Variants in CTNND2 observed in about 807,000 individuals in gnomAD.
CTNND2 encodes the protein catenin delta-2.
A neutral mutation model predicts 144.4 loss-of-function variants in CTNND2; 22 were observed. The observed-to-expected ratio is 0.15, with a 90% confidence interval of 0.11 to 0.22. CTNND2 has a LOEUF of 0.22. Ranked by LOEUF, CTNND2 falls within the 10% of genes least tolerant of loss-of-function variation. The probability of loss-of-function intolerance (pLI) is 1.00; values close to 1 mark genes in which losing one functional copy is unlikely to be tolerated. For missense variants in CTNND2, 1,353 were observed against 1,618.8 expected, an observed-to-expected ratio of 0.84 and a Z score of 2.82; for synonymous variants, 751 against 695.6, an observed-to-expected ratio of 1.08 and a Z score of -1.25.
intron 2 of CTNND2, among the ~76,000 whole-genome samples, chr5:11,683,676 T>C (rs1784520507): frequency 6.6e-6 from 1 of 152,242 alleles, no homozygotes; most frequent in African/African-American, 2.4e-5. Flanking sequence ...CTTGAACTTT[T>C]AAGTGAAGGC....
intron 9 of CTNND2, among the ~76,000 whole-genome samples, chr5:11,331,851 T>C (rs1351726617): frequency 1.3e-5 from 2 of 152,206 alleles, no homozygotes; most frequent in Non-Finnish European, 1.5e-5. Context: ...TGGTGTTCTA[T>C]TGCACACTGG....
At chr5:11,258,892 A>G (rs1467641712) in intron 9 of CTNND2, among the ~76,000 whole-genome samples, 1 of 152,166 alleles carries the variant, frequency 6.6e-6, no homozygotes, top group Admixed American at 6.5e-5. Flanking sequence ...AAGATCAGCT[A>G]ATTAGGAGAT....
chr5:11,179,035 T>C (rs1437716060), intron 11 of CTNND2, among the ~76,000 whole-genome samples: 1 of 152,202 alleles, frequency 6.6e-6, no homozygotes, highest in Non-Finnish European at 1.5e-5. Flanking sequence ...AGATAATTTT[T>C]CATAGCTTGA....
At chr5:11,427,550 G>C (rs1357898965) in intron 3 of CTNND2, among the ~76,000 whole-genome samples, 2 of 152,112 alleles carry the variant, frequency 1.3e-5, no homozygotes, top group African/African-American at 2.4e-5. Flanking sequence ...AAAGTGCTAA[G>C]ATTACAGGTA....
chr5:11,371,541 C>G (rs985158617), intron 7 of CTNND2, among the ~76,000 whole-genome samples: 1 of 152,188 alleles, frequency 6.6e-6, no homozygotes, highest in Admixed American at 6.5e-5. Context: ...ACTCTGTTTC[C>G]TGAGATTGAC....
intron 18 of CTNND2, among the ~76,000 whole-genome samples, chr5:10,996,229 T>C (rs1254822839): frequency 3.3e-5 from 5 of 152,102 alleles, no homozygotes; most frequent in Non-Finnish European, 7.4e-5. Flanking sequence ...CAAGGGAACG[T>C]CACGGAAGCT....
intron 15 of CTNND2, chr5:11,083,835 A>AC (rs1419996221): frequency 2.0e-5 from 19 of 937,248 alleles, no homozygotes; most frequent in African/African-American, 3.7e-5. Flanking sequence ...GGCCACCTCC[A>AC]CCCCCCTTCC....
intron 1 of CTNND2, among the ~76,000 whole-genome samples, 192 bp from the exon 2 acceptor site, chr5:11,732,464 T>C (rs1452168219): frequency 6.6e-6 from 1 of 152,250 alleles, no homozygotes. Flanking sequence ...GAATGTTTTA[T>C]TCTTTTATCA....
rs867638925 is a variant in CTNND2 at position 11,623,822 on chromosome 5, A to G, written c.175-58766T>C. ...TATGTGTGTATGTATATATATATAT[A>G]TATATATATATATATATATATATAT... On this transcript the variant is annotated intron_variant, in intron 2 of 21. Coordinates refer to ENST00000304623, the MANE Select transcript of CTNND2 (RefSeq NM_001332.4). 9.0e-4 allele frequency among the ~76,000 whole-genome samples: 101 copies of G among 111,748 alleles called. 5 individuals carry two copies. Among genetic ancestry groups the G allele is most frequent in the African/African-American group, 3.4e-3 (77 of 22,792 alleles). The allele number at this position is 111,748 out of a possible 152,430, so 73.3% of individuals were successfully genotyped here.
At chr5:11,887,608 A>G (rs1012361183) in intron 1 of CTNND2, among the ~76,000 whole-genome samples, 1 of 152,168 alleles carries the variant, frequency 6.6e-6, no homozygotes, top group Admixed American at 6.5e-5. Context: ...TTAGATTAGT[A>G]TGGCACATTT....
At chr5:11,506,735 TG>T (rs1426613534) in intron 3 of CTNND2, among the ~76,000 whole-genome samples, 1 of 152,220 alleles carries the variant, frequency 6.6e-6, no homozygotes. Flanking sequence ...GCCCAGGGCT[TG>T]GCAAAGTGCC....
chr5:11,294,592 T>C (rs1382888875), intron 9 of CTNND2, among the ~76,000 whole-genome samples: 1 of 152,196 alleles, frequency 6.6e-6, no homozygotes, highest in Non-Finnish European at 1.5e-5. Flanking sequence ...AATAAAATAC[T>C]GGCAAACTGA....
At chr5:11,248,082 C>T (rs1199568374) in intron 9 of CTNND2, among the ~76,000 whole-genome samples, 1 of 152,110 alleles carries the variant, frequency 6.6e-6, no homozygotes. Flanking sequence ...TTTATGTTCA[C>T]CACTATGTAT....
chr5:11,493,509 A>G (rs1769648582), intron 3 of CTNND2, among the ~76,000 whole-genome samples: 2 of 152,210 alleles, frequency 1.3e-5, no homozygotes, highest in Admixed American at 1.3e-4. Flanking sequence ...GTTTAAATGT[A>G]TTGTAATCTT....
intron 9 of CTNND2, among the ~76,000 whole-genome samples, chr5:11,284,970 C>A (rs987342037): frequency 5.3e-5 from 8 of 152,312 alleles, no homozygotes; most frequent in Admixed American, 4.6e-4. Context: ...CCCTCCTTGA[C>A]AAAGCTTTAG....
chr5:11,476,192 C>T (rs1767729751), intron 3 of CTNND2, among the ~76,000 whole-genome samples: 1 of 151,954 alleles, frequency 6.6e-6, no homozygotes. Flanking sequence ...ACTCGGAAAA[C>T]CCACTTAAGA....
chr5:11,042,178 C>T (rs1744750816), intron 16 of CTNND2, among the ~76,000 whole-genome samples: 1 of 152,176 alleles, frequency 6.6e-6, no homozygotes, highest in Non-Finnish European at 1.5e-5. Context: ...GTTTTCATGT[C>T]ACCAAGTGCA....
chr5:11,007,032 T>C, intron 18 of CTNND2, among the ~76,000 whole-genome samples: 1 of 151,824 alleles, frequency 6.6e-6, no homozygotes, highest in Non-Finnish European at 1.5e-5. Flanking sequence ...CAAGAAAAAA[T>C]TGCTAAAACG....
intron 2 of CTNND2, among the ~76,000 whole-genome samples, chr5:11,613,385 T>C (rs1204387365): frequency 6.6e-6 from 1 of 152,180 alleles, no homozygotes; most frequent in Non-Finnish European, 1.5e-5. Context: ...ATGACATTTA[T>C]GAGAGATGTA....
Sources: gnomAD v4.1 joint callset for allele counts (sites outside exome capture counted in the v4.1 genomes callset) on GRCh38, gnomAD v4.1.1 for gene constraint, MANE v1.5 for transcripts, NCBI Gene and HGNC (gene_info 2026-07-23, HGNC 2026-07-21) for gene names.